VSTM4: variants seen among roughly 807,000 people sequenced by gnomAD.
The protein encoded by VSTM4 is V-set and transmembrane domain containing 4, also known as V-set and transmembrane domain-containing protein 4.
VSTM4 carries 20 observed loss-of-function variants against 36.4 expected under a neutral mutation model. That is an observed-to-expected ratio of 0.55 (90% CI 0.39 to 0.80). VSTM4 has a LOEUF of 0.80. Ranked by LOEUF, VSTM4 falls within the 30% of genes least tolerant of loss-of-function variation. The pLI, the probability that VSTM4 is intolerant of heterozygous loss-of-function variation, is 0.00. For synonymous variants in VSTM4, 182 were observed against 173.9 expected (o/e 1.05, Z -0.37); for missense variants, 392 against 404.5 (o/e 0.97, Z 0.26).
chr10:49,020,634 A>G (rs933865690), intron 7 of VSTM4, among the ~76,000 whole-genome samples: 2 of 151,916 alleles, frequency 1.3e-5, no homozygotes, highest in African/African-American at 4.8e-5. Context: ...TGTTCCAGAA[A>G]AATAGAAATT....
intron 3 of VSTM4, among the ~76,000 whole-genome samples, chr10:49,082,227 T>A (rs1844292035): frequency 6.6e-6 from 1 of 152,214 alleles, no homozygotes; most frequent in Admixed American, 6.5e-5. Context: ...TGTAAAAATC[T>A]CTCTATAAAA....
chr10:49,020,497 C>T (rs1302038596), intron 7 of VSTM4, among the ~76,000 whole-genome samples: 9 of 151,126 alleles, frequency 6.0e-5, no homozygotes, highest in Admixed American at 4.6e-4. Context: ...AGGGAAAAAG[C>T]GTAAGTGAAT....
Position 49,034,062 on chromosome 10 carries a change from CATT to C in VSTM4, c.837+12918_837+12920del, listed in dbSNP as rs1178366760. ...TCATCACTATCATCATCAATATTAC[CATT>C]ATTATTACCATCACTGTCATCACCA... On this transcript the variant is annotated intron_variant, in intron 7 of 7. Transcript: ENST00000332853. Among the ~76,000 whole-genome samples the C allele has an allele frequency of 4.6e-5, 7 of 151,880 alleles. No homozygotes were observed. In the East Asian group the frequency reaches 7.7e-4, roughly 17 times the overall value.
intron 7 of VSTM4, among the ~76,000 whole-genome samples, chr10:49,041,534 CA>C (rs1011205113): frequency 1.3e-5 from 2 of 152,146 alleles, no homozygotes; most frequent in Non-Finnish European, 1.5e-5. Flanking sequence ...AAGTCAACAA[CA>C]AAAAACTTGT....
intron 7 of VSTM4, among the ~76,000 whole-genome samples, chr10:49,026,208 G>C (rs1564565032): frequency 6.6e-6 from 1 of 152,174 alleles, no homozygotes; most frequent in Non-Finnish European, 1.5e-5. Flanking sequence ...AAAACAGACC[G>C]AGGAGCCTAG....
chr10:49,053,388 T>C (rs557228848), intron 5 of VSTM4, among the ~76,000 whole-genome samples: 156 of 152,240 alleles, frequency 1.0e-3, no homozygotes, highest in African/African-American at 3.4e-3. Flanking sequence ...AGCGGCTGGA[T>C]TGAGTGAACA....
At chr10:49,054,591 C>G (rs2131967223) in intron 5 of VSTM4, among the ~76,000 whole-genome samples, 1 of 152,308 alleles carries the variant, frequency 6.6e-6, no homozygotes, top group African/African-American at 2.4e-5. Flanking sequence ...GAATTTTGTG[C>G]CTCTAGCACT....
intron 5 of VSTM4, among the ~76,000 whole-genome samples, chr10:49,060,622 T>C (rs1227785919): frequency 1.3e-5 from 2 of 152,220 alleles, no homozygotes; most frequent in Admixed American, 6.5e-5. Context: ...GGTTATCTGA[T>C]TTGCAAATAT....
chr10:49,022,749 A>G (rs1843201615), intron 7 of VSTM4, among the ~76,000 whole-genome samples: 1 of 152,222 alleles, frequency 6.6e-6, no homozygotes, highest in Non-Finnish European at 1.5e-5. Flanking sequence ...AAGCACACAA[A>G]ACCCAACTCA....
intron 3 of VSTM4, 42 bp downstream of exon 3, chr10:49,085,913 G>A: frequency 7.9e-7 from 1 of 1,264,450 alleles, no homozygotes; most frequent in Non-Finnish European, 1.1e-6. Context: ...AAAAGAAAAA[G>A]CAACTATAGA....
At chr10:49,112,977 G>C (rs1181990699) in intron 1 of VSTM4, among the ~76,000 whole-genome samples, 1 of 152,176 alleles carries the variant, frequency 6.6e-6, no homozygotes, top group African/African-American at 2.4e-5. Context: ...TCCAGGTGAG[G>C]GAGTAAGGAC....
At chr10:49,054,220 G>C (rs1301815858) in intron 5 of VSTM4, among the ~76,000 whole-genome samples, 1 of 152,200 alleles carries the variant, frequency 6.6e-6, no homozygotes, top group Non-Finnish European at 1.5e-5. Context: ...AAGAACACTG[G>C]AACAGGAACA....
In VSTM4 at chr10:49,084,387, C is replaced by G. The variant is rs375644651; in HGVS notation, c.526+1568G>C. On this transcript the variant is annotated intron_variant, in intron 3 of 7. Transcript: ENST00000332853. ...AAACAAAATATTTATGACTACAAAA[C>G]AAAACAATTAATCCTAGAGGCCTAT... is the stretch of plus-strand genomic sequence containing the variant. Among the ~76,000 whole-genome samples, 21 of 152,322 alleles carry G rather than the reference C, an allele frequency of 1.4e-4. 1 individual carries two copies. In the East Asian group the frequency reaches 3.1e-3, roughly 22 times the overall value.
rs531874400 is a variant in VSTM4, at chr10:49,056,351, G to A, written c.669-7767C>T. 7.9e-5 allele frequency among the ~76,000 whole-genome samples: 12 copies of A among 152,322 alleles called. No individual in the cohort carries two copies. In the South Asian group the frequency reaches 2.3e-3, roughly 29 times the overall value. On this transcript the variant is annotated intron_variant, in intron 5 of 7. Coordinates refer to ENST00000332853, the MANE Select transcript of VSTM4 (RefSeq NM_001031746.5). ...GAGATACTTTAGTGGTGCTCCACAG[G>A]GTCGCAGGCTTGGCTCCTAGTAATA...
At chr10:49,049,003 C>T (rs1843657235) in intron 5 of VSTM4, among the ~76,000 whole-genome samples, 1 of 152,188 alleles carries the variant, frequency 6.6e-6, no homozygotes, top group Non-Finnish European at 1.5e-5. Context: ...GCTTCAGCTC[C>T]CTAAAACCAA....
At chr10:49,071,767 C>T (rs1455845664) in intron 4 of VSTM4, among the ~76,000 whole-genome samples, 3 of 152,200 alleles carry the variant, frequency 2.0e-5, no homozygotes, top group African/African-American at 7.2e-5. Flanking sequence ...CTCAGCTCTC[C>T]TGTCCACATG....
chr10:49,047,002 G>T lies in VSTM4; in HGVS notation c.818C>A (p.Pro273Gln). 1 of 1,614,132 alleles carries T rather than the reference G, an allele frequency of 6.2e-7. No homozygotes were observed. ...PTFHKPKLLK[P>Q]QRKVTLPKIA... ...ACTTACCAGCGTGACTTTTCTCTGT[G>T]GTTTCAGCAGCTTCGGTTTATGGAA... Residue 273 changes from proline to glutamine, a missense_variant, in exon 7 of 8, where the codon CCA (proline) becomes CAA (glutamine). Physicochemically the swap from Pro to Gln is moderately conservative, Grantham distance 76 (BLOSUM62 -1). Coordinates refer to ENST00000332853, the MANE Select transcript of VSTM4 (RefSeq NM_001031746.5).
intron 1 of VSTM4, among the ~76,000 whole-genome samples, chr10:49,113,111 C>G (rs1381735869): frequency 2.6e-5 from 4 of 152,234 alleles, no homozygotes; most frequent in African/African-American, 9.6e-5. Flanking sequence ...CCTGAAGAAA[C>G]TGCACCTGCT....
chr10:49,054,797 C>A (rs1252134027), intron 5 of VSTM4, among the ~76,000 whole-genome samples: 1 of 152,206 alleles, frequency 6.6e-6, no homozygotes, highest in African/African-American at 2.4e-5. Flanking sequence ...CTCACCCCTG[C>A]CTTTAATGTC....
Sources: gnomAD v4.1 joint callset for allele counts (sites outside exome capture counted in the v4.1 genomes callset) on GRCh38, gnomAD v4.1.1 for gene constraint, MANE v1.5 for transcripts, NCBI Gene and HGNC (gene_info 2026-07-23, HGNC 2026-07-21) for gene names.